The following VEPH1 variants were observed in gnomAD, a reference collection of about 807,000 sequenced individuals.
VEPH1 encodes the protein ventricular zone expressed PH domain containing 1, also known as ventricular zone-expressed PH domain-containing protein homolog 1.
Under a neutral mutation model 85.2 loss-of-function variants are expected in VEPH1, and 80 were observed. The ratio of observed to expected loss-of-function variants is 0.94; its 90% CI spans 0.78 to 1.13. VEPH1 has a LOEUF of 1.13. Among genes scored for constraint, VEPH1 ranks in the 50% most tolerant of loss-of-function variants. VEPH1 has a pLI of 0.00. For missense variants in VEPH1, 955 were observed against 980.5 expected, an observed-to-expected ratio of 0.97 and a Z score of 0.35; for synonymous variants, 297 against 348.0, an observed-to-expected ratio of 0.85 and a Z score of 1.63.
intron 6 of VEPH1, chr3:157,381,641 C>A (rs143118936): frequency 6.7e-6 from 3 of 448,206 alleles, no homozygotes; most frequent in Non-Finnish European, 8.2e-6. Context: ...ATCACTTGAA[C>A]GCAGGAGGCA....
At chr3:157,363,120 T>C (rs781485820) in intron 9 of VEPH1, among the ~76,000 whole-genome samples, 5 of 151,634 alleles carry the variant, frequency 3.3e-5, no homozygotes, top group Non-Finnish European at 5.9e-5. Context: ...TATCTTGAGG[T>C]TTGCAAAAAT....
At chr3:157,398,967 G>A (rs1468613445) in intron 6 of VEPH1, among the ~76,000 whole-genome samples, 1 of 152,098 alleles carries the variant, frequency 6.6e-6, no homozygotes, top group African/African-American at 2.4e-5. Context: ...ATCCAGTCAA[G>A]TTGACACCTA....
chr3:157,359,639 G>T (rs1725821417), intron 9 of VEPH1, among the ~76,000 whole-genome samples: 1 of 152,120 alleles, frequency 6.6e-6, no homozygotes, highest in African/African-American at 2.4e-5. Context: ...ACAATAGATG[G>T]CTGACTGGAG....
At chr3:157,468,342 A>T (rs1370050126) in intron 3 of VEPH1, among the ~76,000 whole-genome samples, 2 of 152,224 alleles carry the variant, frequency 1.3e-5, no homozygotes, top group South Asian at 4.1e-4. Context: ...TTGTGTAAAA[A>T]AAATGGTGAA....
At chr3:157,398,590 C>T (rs542285681) in intron 6 of VEPH1, among the ~76,000 whole-genome samples, 18 of 150,956 alleles carry the variant, frequency 1.2e-4, no homozygotes, top group Middle Eastern at 3.4e-3. Flanking sequence ...GCCAAGATCA[C>T]GCCACTGCAT....
intron 1 of VEPH1, among the ~76,000 whole-genome samples, chr3:157,500,550 C>A (rs1234413829): frequency 1.3e-5 from 2 of 152,126 alleles, no homozygotes; most frequent in Non-Finnish European, 2.9e-5. Flanking sequence ...TGAAGAATTC[C>A]TTTATAAAAA....
intron 2 of VEPH1, among the ~76,000 whole-genome samples, chr3:157,481,908 C>G (rs1189594605): frequency 6.6e-6 from 1 of 151,848 alleles, no homozygotes; most frequent in East Asian, 1.9e-4. Flanking sequence ...TTGACTTTGT[C>G]AAAACATTGC....
chr3:157,306,647 A>G (rs1004390235), intron 11 of VEPH1, among the ~76,000 whole-genome samples: 26 of 152,076 alleles, frequency 1.7e-4, no homozygotes, highest in African/African-American at 6.0e-4. Context: ...GCACATATGT[A>G]AGAGTTCATC....
rs764172002 is a variant in VEPH1, at chr3:157,460,170, T to C, written c.529+11A>G. Reference sequence around the variant, plus strand: ...CAAAACATGTCCCCAAGCTCAACTTTCGCACCATACCTTGGAGTATGCTCT... The same window carrying C: ...CAAAACATGTCCCCAAGCTCAACTTCCGCACCATACCTTGGAGTATGCTCT... On this transcript the variant is annotated intron_variant, in intron 4 of 13. Coordinates refer to ENST00000362010, the MANE Select transcript of VEPH1 (RefSeq NM_001167912.2). 3.1e-6 allele frequency: 5 copies of C among 1,614,204 alleles called. No individual in the cohort carries two copies. The Admixed American group carries it at 8.3e-5, about 27-fold the overall frequency.
intron 9 of VEPH1, among the ~76,000 whole-genome samples, chr3:157,322,423 A>T (rs974278888): frequency 6.6e-6 from 1 of 152,198 alleles, no homozygotes; most frequent in Admixed American, 6.5e-5. Flanking sequence ...TATGAACATG[A>T]GTATGGAAAT....
At chr3:157,418,096 C>T (rs1560046006) in intron 5 of VEPH1, among the ~76,000 whole-genome samples, 1 of 152,122 alleles carries the variant, frequency 6.6e-6, no homozygotes, top group Non-Finnish European at 1.5e-5. Context: ...TCTTCACAAG[C>T]TCTGGAAGCA....
At chr3:157,466,080 T>C (rs1436294883) in intron 3 of VEPH1, among the ~76,000 whole-genome samples, 1 of 152,210 alleles carries the variant, frequency 6.6e-6, no homozygotes, top group Non-Finnish European at 1.5e-5. Context: ...ACAGCAGCTA[T>C]GTCAATAATT....
chr3:157,327,006 G>T (rs1721976425), intron 9 of VEPH1, among the ~76,000 whole-genome samples: 1 of 152,212 alleles, frequency 6.6e-6, no homozygotes, highest in East Asian at 1.9e-4. Flanking sequence ...GTGAGGCAAG[G>T]AGTATGGTGT....
chr3:157,494,972 A>AT lies in VEPH1; in HGVS notation c.138+239dup, dbSNP rs143168722. ...TGTGAGAATTCCATGCTGCTCTGCAATTTTCAGAATTCTGGTCTTTGTGAG... is the reference window on the plus strand; with the variant it reads ...TGTGAGAATTCCATGCTGCTCTGCAATTTTTCAGAATTCTGGTCTTTGTGAG... On this transcript the variant is annotated intron_variant, in intron 2 of 13. Coordinates refer to ENST00000362010, the MANE Select transcript of VEPH1 (RefSeq NM_001167912.2). 5.5e-3 allele frequency among the ~76,000 whole-genome samples: 835 copies of AT among 152,210 alleles called. 8 individuals are homozygous for AT. The highest frequency in any genetic ancestry group is 0.019 in the African/African-American group (800 of 41,544).
At chr3:157,399,384 T>C (rs1380329160) in intron 6 of VEPH1, among the ~76,000 whole-genome samples, 1 of 152,230 alleles carries the variant, frequency 6.6e-6, no homozygotes, top group Non-Finnish European at 1.5e-5. Context: ...CAAAACACTA[T>C]ACAACTTAAA....
chr3:157,295,947 TC>T (rs1158320637), intron 11 of VEPH1, among the ~76,000 whole-genome samples: 1 of 151,974 alleles, frequency 6.6e-6, no homozygotes, highest in Non-Finnish European at 1.5e-5. Flanking sequence ...AGAGTGAGAC[TC>T]CATCTCAAAA....
chr3:157,453,328 C>T (rs529604283), intron 4 of VEPH1, among the ~76,000 whole-genome samples: 5 of 152,132 alleles, frequency 3.3e-5, no homozygotes, highest in African/African-American at 1.2e-4. Flanking sequence ...TCTTCCTCAT[C>T]ATCAAGTCGT....
chr3:157,445,097 A>G (rs1368242107), intron 4 of VEPH1, among the ~76,000 whole-genome samples: 1 of 152,100 alleles, frequency 6.6e-6, no homozygotes, highest in African/African-American at 2.4e-5. Context: ...CTTCTGTCTG[A>G]TTGGAATATG....
intron 2 of VEPH1, among the ~76,000 whole-genome samples, chr3:157,481,071 T>C (rs2109589223): frequency 6.6e-6 from 1 of 152,298 alleles, no homozygotes; most frequent in East Asian, 1.9e-4. Flanking sequence ...CATTTTTTCA[T>C]GTTTGTCAGC....
Sources: gnomAD v4.1 joint callset for allele counts (sites outside exome capture counted in the v4.1 genomes callset) on GRCh38, gnomAD v4.1.1 for gene constraint, MANE v1.5 for transcripts, NCBI Gene and HGNC (gene_info 2026-07-23, HGNC 2026-07-21) for gene names.